PCDH11X: variants seen among roughly 807,000 people sequenced by gnomAD.
The protein encoded by PCDH11X is protocadherin 11 X-linked.
Under a neutral mutation model 53.3 loss-of-function variants are expected in PCDH11X, and 18 were observed. That is an observed-to-expected ratio of 0.34 (90% CI 0.23 to 0.50). The LOEUF (loss-of-function observed/expected upper bound fraction) is 0.50, where lower values mean the gene tolerates loss of function less well. PCDH11X is among the 20% of genes least tolerant of loss of function. PCDH11X has a pLI of 0.98. For missense variants in PCDH11X, 570 were observed against 1,032.4 expected (o/e 0.55, Z 6.14); for synonymous variants, 279 against 393.3 (o/e 0.71, Z 3.44).
At chrX:92,196,176 G>A (rs944990984) in intron 6 of PCDH11X, among the ~76,000 whole-genome samples, 1 of 111,488 alleles carries the variant, frequency 9.0e-6, no homozygotes, top group Non-Finnish European at 1.9e-5. Flanking sequence ...AAGTCTAAAC[G>A]TATTTTATCC....
intron 6 of PCDH11X, among the ~76,000 whole-genome samples, chrX:92,074,967 G>A (rs1397855726): frequency 9.0e-6 from 1 of 111,085 alleles, no homozygotes; most frequent in African/African-American, 3.3e-5. Context: ...ACCGACAATA[G>A]CAGCCTTTCC....
intron 6 of PCDH11X, among the ~76,000 whole-genome samples, chrX:91,950,484 T>C (rs1243215167): frequency 1.9e-5 from 2 of 104,036 alleles, no homozygotes; most frequent in Non-Finnish European, 3.9e-5. Context: ...AAACACATTA[T>C]TTTATTATTT....
chrX:92,262,618 G>A (rs1183029402), intron 7 of PCDH11X, among the ~76,000 whole-genome samples: 1 of 111,432 alleles, frequency 9.0e-6, no homozygotes, highest in Non-Finnish European at 1.9e-5. Context: ...TTAAAATTCA[G>A]CAATAATATC....
chrX:92,096,366 G>T, intron 6 of PCDH11X, among the ~76,000 whole-genome samples: 1 of 110,004 alleles, frequency 9.1e-6, no homozygotes, highest in East Asian at 2.9e-4. Context: ...CTCTCAGGGG[G>T]ACTATGTAAG....
At chrX:91,779,826 C>G (rs1278837330) in intron 1 of PCDH11X, 142 bp downstream of exon 1, 1 of 108,486 alleles carries the variant, frequency 9.2e-6, no homozygotes, top group Non-Finnish European at 1.9e-5. Context: ...TTCTGCTATT[C>G]TCCCTTCCCC....
At chrX:92,019,144 T>C (rs1448805601) in intron 6 of PCDH11X, among the ~76,000 whole-genome samples, 1 of 109,333 alleles carries the variant, frequency 9.1e-6, no homozygotes, top group South Asian at 4.1e-4. Context: ...CTGGAAACAC[T>C]GCATAGGGCT....
chrX:92,084,264 C>T (rs757829719), intron 6 of PCDH11X, among the ~76,000 whole-genome samples: 2 of 109,336 alleles, frequency 1.8e-5, no homozygotes, highest in East Asian at 2.9e-4. Context: ...TGGAAGAGTT[C>T]GGGCCGGGTG....
chrX:92,241,062 T>C (rs1319918055), intron 7 of PCDH11X, among the ~76,000 whole-genome samples: 1 of 111,178 alleles, frequency 9.0e-6, no homozygotes, highest in Non-Finnish European at 1.9e-5. Flanking sequence ...TATATATTCA[T>C]TTGATGATGC....
intron 6 of PCDH11X, among the ~76,000 whole-genome samples, chrX:92,005,594 G>A (rs1220504163): frequency 9.0e-6 from 1 of 111,583 alleles, no homozygotes; most frequent in Admixed American, 9.5e-5. Context: ...TATTTTTGAT[G>A]GGTTCATCTT....
chrX:92,275,862 G>A (rs1264301459), intron 8 of PCDH11X, among the ~76,000 whole-genome samples: 3 of 110,422 alleles, frequency 2.7e-5, no homozygotes, highest in African/African-American at 6.6e-5. Flanking sequence ...ATGGTAAGGG[G>A]TGCATGATCA....
At chrX:92,533,521 T>C (rs933890314) in intron 10 of PCDH11X, among the ~76,000 whole-genome samples, 3 of 105,736 alleles carry the variant, frequency 2.8e-5, no homozygotes, top group African/African-American at 1.0e-4. Context: ...GCTTAGCATG[T>C]TGGAAGAACC....
At chrX:92,089,884 T>A (rs755707879) in intron 6 of PCDH11X, among the ~76,000 whole-genome samples, 2 of 107,583 alleles carry the variant, frequency 1.9e-5, no homozygotes, top group Non-Finnish European at 3.8e-5. Flanking sequence ...CAGCAGGTGA[T>A]GTGAGGTTTG....
chrX:92,324,960 G>C (rs1042499885), intron 8 of PCDH11X, among the ~76,000 whole-genome samples: 9 of 110,165 alleles, frequency 8.2e-5, no homozygotes, highest in Non-Finnish European at 1.5e-4. Flanking sequence ...AATTCGTTTA[G>C]GATAATGGTC....
At position 92,325,093 on chromosome X, in the gene PCDH11X, G is replaced by A. The variant is rs567170434; in HGVS notation, c.3144+61950G>A. ...GCACCTAAGTTGACTCTGTGTTTTT[G>A]CTATTGTGAATAGTGCTGCAATGAA... On this transcript the variant is annotated intron_variant, in intron 8 of 10. Coordinates refer to ENST00000682573, the MANE Select transcript of PCDH11X (RefSeq NM_032968.5). Among the ~76,000 whole-genome samples, 31 of 111,596 alleles carry A rather than the reference G, an allele frequency of 2.8e-4. No homozygotes were observed. In the South Asian group the frequency reaches 6.0e-3, roughly 22 times the overall value.
At chrX:92,167,889 A>G (rs1375893734) in intron 6 of PCDH11X, among the ~76,000 whole-genome samples, 1 of 111,332 alleles carries the variant, frequency 9.0e-6, no homozygotes, top group Non-Finnish European at 1.9e-5. Flanking sequence ...TTATTAAGAA[A>G]GAAAACAAGA....
At chrX:92,148,069 T>TCCCTTCCTTC (rs1569389092) in intron 6 of PCDH11X, among the ~76,000 whole-genome samples, 4 of 8,543 alleles carry the variant, frequency 4.7e-4, no homozygotes, top group South Asian at 7.7e-3. Context: ...TTTCTTTCTT[T>TCCCTTCCTTC]CTTTCTTTCT....
At chrX:92,447,919 A>T (rs2072692254) in intron 9 of PCDH11X, among the ~76,000 whole-genome samples, 1 of 111,253 alleles carries the variant, frequency 9.0e-6, no homozygotes, top group South Asian at 3.8e-4. Flanking sequence ...ATGACCCGGA[A>T]GTGAGACATG....
chrX:91,883,743 T>C, intron 6 of PCDH11X: 1 of 574,038 alleles, frequency 1.7e-6, no homozygotes, highest in Non-Finnish European at 2.1e-6. Flanking sequence ...AGGCGGAGCT[T>C]GCAGTGAGCC....
intron 8 of PCDH11X, among the ~76,000 whole-genome samples, chrX:92,274,246 G>A (rs937455157): frequency 4.6e-5 from 5 of 109,682 alleles, no homozygotes; most frequent in Middle Eastern, 8.4e-3. Context: ...TCCTCTTTAA[G>A]TTGGTGGCTG....
Sources: allele counts gnomAD v4.1 joint callset (sites outside exome capture counted in the v4.1 genomes callset), GRCh38; gene constraint gnomAD v4.1.1; transcripts MANE v1.5; gene names NCBI Gene and HGNC (gene_info 2026-07-23, HGNC 2026-07-21).